The following P3H2 variants were observed in gnomAD, a reference collection of about 807,000 sequenced individuals.
P3H2 encodes the protein leprecan-like 1.
In P3H2, 80 loss-of-function variants were observed where a neutral mutation model predicts 87.0. The observed-to-expected ratio is 0.92, with a 90% CI of 0.77 to 1.11. P3H2 has a LOEUF of 1.11. P3H2 is among the 50% of genes least tolerant of loss of function. The pLI, the probability that P3H2 is intolerant of heterozygous loss-of-function variation, is 0.00. For missense variants in P3H2, 1,001 were observed against 923.9 expected, an observed-to-expected ratio of 1.08 and a Z score of -1.08; for synonymous variants, 367 against 359.3, an observed-to-expected ratio of 1.02 and a Z score of -0.24.
chr3:190,038,178 G>T (rs1446428218), intron 1 of P3H2, among the ~76,000 whole-genome samples: 1 of 150,666 alleles, frequency 6.6e-6, no homozygotes, highest in East Asian at 2.0e-4. Flanking sequence ...AAGACCTGTC[G>T]CGAGCCGAGA....
intron 1 of P3H2, among the ~76,000 whole-genome samples, chr3:190,004,631 C>T (rs1724330502): frequency 6.6e-6 from 1 of 152,108 alleles, no homozygotes; most frequent in African/African-American, 2.4e-5. Context: ...ATCCGCCCGC[C>T]TCGGCCTCCC....
intron 1 of P3H2, among the ~76,000 whole-genome samples, chr3:190,085,907 T>C (rs958014992): frequency 6.6e-6 from 1 of 152,216 alleles, no homozygotes; most frequent in Non-Finnish European, 1.5e-5. Flanking sequence ...AATGGTCTAA[T>C]TCTTGAATTT....
At chr3:190,025,781 G>A (rs1251869527) in intron 1 of P3H2, among the ~76,000 whole-genome samples, 8 of 152,016 alleles carry the variant, frequency 5.3e-5, no homozygotes, top group Non-Finnish European at 7.4e-5. Context: ...AACCTCAGTC[G>A]GGAATCTTAG....
chr3:190,049,269 G>GT (rs5855299), intron 1 of P3H2, among the ~76,000 whole-genome samples: 8 of 150,938 alleles, frequency 5.3e-5, no homozygotes, highest in African/African-American at 1.5e-4. Context: ...TAGACACATG[G>GT]TTTTTTTTTT....
chr3:190,033,844 G>A (rs139913394), intron 1 of P3H2, among the ~76,000 whole-genome samples: 1 of 152,314 alleles, frequency 6.6e-6, no homozygotes, highest in East Asian at 1.9e-4. Context: ...AAAAATGGAT[G>A]ATATTCATAT....
intron 1 of P3H2, among the ~76,000 whole-genome samples, chr3:190,070,845 A>G (rs2108972748): frequency 6.6e-6 from 1 of 151,954 alleles, no homozygotes; most frequent in Admixed American, 6.6e-5. Context: ...CACTTCATTA[A>G]CTCCTGTTCA....
chr3:190,033,941 A>G (rs183641452), intron 1 of P3H2, among the ~76,000 whole-genome samples: 18 of 152,340 alleles, frequency 1.2e-4, no homozygotes, highest in Non-Finnish European at 2.6e-4. Context: ...ATTTGCGTAC[A>G]GTGGTTTTCT....
At chr3:189,971,683 T>A (rs1253035653) in intron 12 of P3H2, 1 of 554,782 alleles carries the variant, frequency 1.8e-6, no homozygotes, top group East Asian at 3.2e-5. Flanking sequence ...TTTTGTGAAA[T>A]GGGATGCAAA....
intron 1 of P3H2, among the ~76,000 whole-genome samples, chr3:190,115,290 A>T (rs1712245416): frequency 6.6e-6 from 1 of 152,204 alleles, no homozygotes; most frequent in Non-Finnish European, 1.5e-5. Flanking sequence ...TAATCCTAAG[A>T]AGAAAAACAA....
Position 189,973,014 on chromosome 3 carries a change from T to C in P3H2, c.1559A>G (p.Glu520Gly), listed in dbSNP as rs1394565651. 1 of 1,599,884 alleles carries C rather than the reference T, an allele frequency of 6.3e-7. No homozygotes were observed. Among genetic ancestry groups the C allele is most frequent in the Non-Finnish European group, 8.5e-7 (1 of 1,175,602 alleles). Reference protein sequence around the residue: ...TVLKALKSGYEGRVPLKSARL... With the variant: ...TVLKALKSGYGGRVPLKSARL... The stretch of plus-strand genomic sequence containing the variant: ...AGCGCTCTTCAGTGGGACTCGACCT[T>C]CATAACCAGACTGAAAAAAAAAAAC... Residue 520 changes from glutamate to glycine, a missense_variant, in exon 11 of 15, where the codon GAA (glutamate) becomes GGA (glycine). By Grantham distance (98) the Glu-to-Gly change is moderately conservative. Coordinates refer to ENST00000319332, the MANE Select transcript of P3H2 (RefSeq NM_018192.4).
At chr3:190,048,277 C>T (rs1283466778) in intron 1 of P3H2, among the ~76,000 whole-genome samples, 1 of 152,148 alleles carries the variant, frequency 6.6e-6, no homozygotes, top group African/African-American at 2.4e-5. Flanking sequence ...GGGCAGATCA[C>T]TTGAGGTCAG....
chr3:189,992,616 T>C (rs1171873156), intron 3 of P3H2, among the ~76,000 whole-genome samples: 2 of 152,220 alleles, frequency 1.3e-5, no homozygotes, highest in African/African-American at 4.8e-5. Context: ...AGATTCTAGA[T>C]TCAGAAAAGT....
intron 1 of P3H2, among the ~76,000 whole-genome samples, chr3:190,102,048 G>A (rs1244172872): frequency 6.6e-6 from 1 of 152,132 alleles, no homozygotes; most frequent in East Asian, 1.9e-4. Context: ...ATGGTTTACT[G>A]AGTATTTTAA....
chr3:190,084,951 A>AG, intron 1 of P3H2, among the ~76,000 whole-genome samples: 1 of 93,782 alleles, frequency 1.1e-5, no homozygotes, highest in South Asian at 2.9e-4. Context: ...AGAAACAAAC[A>AG]AAAAAAAAAA....
intron 1 of P3H2, among the ~76,000 whole-genome samples, chr3:190,103,496 T>C (rs1424062101): frequency 6.6e-6 from 1 of 152,238 alleles, no homozygotes; most frequent in Non-Finnish European, 1.5e-5. Flanking sequence ...TAAACCTTTG[T>C]TAACTATCTT....
chr3:190,115,693 C>A (rs953713013), intron 1 of P3H2, among the ~76,000 whole-genome samples: 1 of 152,194 alleles, frequency 6.6e-6, no homozygotes, highest in Non-Finnish European at 1.5e-5. Context: ...AGTCCTGAAA[C>A]GTTCTCTTCC....
chr3:189,986,375 A>C lies in P3H2; in HGVS notation c.1188+413T>G, dbSNP rs568736743. Among the ~76,000 whole-genome samples the C allele has an allele frequency of 3.3e-5, 5 of 152,226 alleles. No homozygotes were observed. The East Asian group carries it at 9.7e-4, about 29-fold the overall frequency. On this transcript the variant is annotated intron_variant, in intron 6 of 14. Coordinates refer to ENST00000319332, the MANE Select transcript of P3H2 (RefSeq NM_018192.4). ...TGAGGCGGGCGGATCACCTGAGGTC[A>C]GGAGTCCGAGACTAGCCTGACCAAC...
At position 189,971,894 on chromosome 3, in the gene P3H2, A is replaced by G. The variant is rs201411795; in HGVS notation, c.1813T>C (p.Tyr605His). The change falls in exon 12 of 15, where the codon TAT becomes CAT. Residue 605 changes from tyrosine (Y) to histidine (H), a missense_variant. Physicochemically the swap from Tyr to His is moderately conservative, Grantham distance 83. Transcript: ENST00000319332. ...KEPPAYTFRDYSALLYMNDDF... is the reference protein window; with the variant it reads ...KEPPAYTFRDHSALLYMNDDF... ...TGAAGCAGGTTCTAGCTATACCTAT[A>G]GTCTCGAAATGTGTAAGCAGGAGGC... 2.5e-6 allele frequency: 4 copies of G among 1,579,676 alleles called. No homozygotes were observed. The East Asian group carries it at 8.9e-5, about 35-fold the overall frequency.
Position 189,972,957 on chromosome 3 carries a change from C to T in P3H2, c.1616G>A (p.Arg539Gln), listed in dbSNP as rs929388620. The T allele has an allele frequency of 5.6e-6, 9 of 1,613,686 alleles. No individual in the cohort carries two copies. The highest frequency in any genetic ancestry group is 2.2e-5 in the South Asian group (2 of 91,074). The change falls in exon 11 of 15, where the codon CGA becomes CAA. Residue 539 changes from arginine (R) to glutamine (Q), a missense_variant. By Grantham distance (43) the Arg-to-Gln change is conservative. Coordinates refer to ENST00000319332, the MANE Select transcript of P3H2 (RefSeq NM_018192.4). ...CATAAAATAAGATTCTACAATCCTT[C>T]GAGCCTTTTCGCTGATGTCATAAAA... ...RLFYDISEKA[R>Q]RIVESYFMLN... is the part of the protein sequence containing the mutation.
Sources: gnomAD v4.1 joint callset for allele counts (sites outside exome capture counted in the v4.1 genomes callset) on GRCh38, gnomAD v4.1.1 for gene constraint, MANE v1.5 for transcripts, NCBI Gene and HGNC (gene_info 2026-07-23, HGNC 2026-07-21) for gene names.